The following KCNMB2 variants were observed in gnomAD, a reference collection of about 807,000 sequenced individuals.
KCNMB2 encodes potassium calcium-activated channel subfamily M regulatory beta subunit 2.
A neutral mutation model predicts 24.5 loss-of-function variants in KCNMB2; 9 were observed. That is an observed-to-expected ratio of 0.37 (90% CI 0.22 to 0.64). The LOEUF (loss-of-function observed/expected upper bound fraction) is 0.64. KCNMB2 is among the 30% of genes least tolerant of loss of function. The pLI is 0.63. For synonymous variants in KCNMB2, 109 were observed against 104.4 expected, an observed-to-expected ratio of 1.04 and a Z score of -0.27; for missense variants, 226 against 284.3, an observed-to-expected ratio of 0.79 and a Z score of 1.47.
chr3:178,562,100 G>T (rs889947298), intron 1 of KCNMB2, among the ~76,000 whole-genome samples: 6 of 152,178 alleles, frequency 3.9e-5, no homozygotes, highest in African/African-American at 1.4e-4. Flanking sequence ...TACAGATCTG[G>T]AACCCCCAGT....
chr3:178,649,161 G>A (rs1298681756), intron 1 of KCNMB2, among the ~76,000 whole-genome samples: 1 of 151,914 alleles, frequency 6.6e-6, no homozygotes, highest in East Asian at 1.9e-4. Context: ...TTCATCTTCT[G>A]ATAATTTTTC....
chr3:178,813,983 T>TTGTTGTTGC (rs1171041641), intron 2 of KCNMB2, among the ~76,000 whole-genome samples: 2 of 127,416 alleles, frequency 1.6e-5, no homozygotes, highest in South Asian at 4.6e-4. Flanking sequence ...GTTGTTGTTG[T>TTGTTGTTGC]TGCTGCTGCT....
At chr3:178,636,907 G>A (rs1410468927) in intron 1 of KCNMB2, among the ~76,000 whole-genome samples, 1 of 152,018 alleles carries the variant, frequency 6.6e-6, no homozygotes, top group Non-Finnish European at 1.5e-5. Context: ...ATGTGTCCAC[G>A]TGTTCTCATC....
intron 1 of KCNMB2, among the ~76,000 whole-genome samples, chr3:178,763,796 AGGTTATGTT>A (rs1174623640): frequency 6.6e-6 from 1 of 152,190 alleles, no homozygotes; most frequent in East Asian, 1.9e-4. Flanking sequence ...AGAAAACCAT[AGGTTATGTT>A]ATACTTCTGT....
rs1713872597 is a variant in KCNMB2, at chr3:178,804,079, A to G, written c.-67-3264A>G. ...CAGGTTTCCTCTCCTCACTGCCCACAGCTCTGTTCAGCCACTATACAACGC... is the reference window on the plus strand; with the variant it reads ...CAGGTTTCCTCTCCTCACTGCCCACGGCTCTGTTCAGCCACTATACAACGC... On this transcript the variant is annotated intron_variant, in intron 1 of 4. Coordinates refer to ENST00000452583, the MANE Select transcript of KCNMB2 (RefSeq NM_181361.3). 3.9e-5 allele frequency among the ~76,000 whole-genome samples: 6 copies of G among 152,330 alleles called. No individual in the cohort carries two copies. In the South Asian group the frequency reaches 1.2e-3, roughly 32 times the overall value.
intron 1 of KCNMB2, among the ~76,000 whole-genome samples, chr3:178,680,248 G>A (rs190516178): frequency 6.6e-6 from 1 of 152,248 alleles, no homozygotes; most frequent in Non-Finnish European, 1.5e-5. Flanking sequence ...AATGCAGAAG[G>A]ACTGTGCCTT....
In KCNMB2 at chr3:178,708,022, T is replaced by C. The variant is rs1035493725; in HGVS notation, c.-67-99321T>C. Among the ~76,000 whole-genome samples, 76 of 152,192 alleles carry C rather than the reference T, an allele frequency of 5.0e-4. 1 individual carries two copies. Among genetic ancestry groups the C allele is most frequent in the African/African-American group, 1.8e-3 (75 of 41,444 alleles). ...GACAGAGCCCTAAATCACTTCCAGT[T>C]TGGAGCTGACTGATTCATGAATTGC... On this transcript the variant is annotated intron_variant, in intron 1 of 4. Coordinates refer to ENST00000452583, the MANE Select transcript of KCNMB2 (RefSeq NM_181361.3).
chr3:178,747,265 T>A (rs1723702173), intron 1 of KCNMB2, among the ~76,000 whole-genome samples: 1 of 152,200 alleles, frequency 6.6e-6, no homozygotes, highest in Non-Finnish European at 1.5e-5. Context: ...GGAACTCCTC[T>A]TTATAAAACC....
intron 1 of KCNMB2, among the ~76,000 whole-genome samples, chr3:178,753,831 A>G (rs1723929943): frequency 6.6e-6 from 1 of 152,104 alleles, no homozygotes; most frequent in Admixed American, 6.6e-5. Flanking sequence ...GCAGTTTTCA[A>G]GAATACAATA....
chr3:178,789,181 C>T (rs1713226154), intron 1 of KCNMB2, among the ~76,000 whole-genome samples: 1 of 152,190 alleles, frequency 6.6e-6, no homozygotes, highest in South Asian at 2.1e-4. Context: ...CATTATTTAA[C>T]CTGAGCTGCT....
At chr3:178,723,629 C>A (rs1259881724) in intron 1 of KCNMB2, among the ~76,000 whole-genome samples, 1 of 152,160 alleles carries the variant, frequency 6.6e-6, no homozygotes, top group Non-Finnish European at 1.5e-5. Context: ...TTTTCAACCT[C>A]TGCTCCTCTC....
chr3:178,753,501 G>T (rs903771913), intron 1 of KCNMB2, among the ~76,000 whole-genome samples: 2 of 152,116 alleles, frequency 1.3e-5, no homozygotes, highest in African/African-American at 4.8e-5. Flanking sequence ...AAATGCCTGG[G>T]ACTCTTAAGT....
At chr3:178,702,293 GA>G (rs1722128478) in intron 1 of KCNMB2, among the ~76,000 whole-genome samples, 1 of 92,860 alleles carries the variant, frequency 1.1e-5, no homozygotes, top group South Asian at 4.7e-4. Context: ...GGGGTGGGGG[GA>G]GGGGGGAGGG....
chr3:178,757,140 G>T, intron 1 of KCNMB2: 1 of 142,960 alleles, frequency 7.0e-6, no homozygotes, highest in Admixed American at 7.2e-5. Context: ...TTTCCTTCTT[G>T]TAAAAGAAAA....
chr3:178,538,802 G>A (rs1238134825), intron 1 of KCNMB2, among the ~76,000 whole-genome samples: 1 of 151,888 alleles, frequency 6.6e-6, no homozygotes, highest in African/African-American at 2.4e-5. Context: ...TAAGCTGTGA[G>A]GAAAGCCAAA....
At chr3:178,664,194 C>T (rs1176302572) in intron 1 of KCNMB2, among the ~76,000 whole-genome samples, 1 of 152,088 alleles carries the variant, frequency 6.6e-6, no homozygotes, top group Non-Finnish European at 1.5e-5. Flanking sequence ...GCAGCTAGCC[C>T]TGTAAATTGT....
chr3:178,695,774 T>C (rs1426243959), intron 1 of KCNMB2, among the ~76,000 whole-genome samples: 3 of 152,156 alleles, frequency 2.0e-5, no homozygotes, highest in Non-Finnish European at 4.4e-5. Context: ...CTTTCCCACA[T>C]CTTCCTGTCT....
chr3:178,828,179 G>A lies in KCNMB2; in HGVS notation c.229G>A (p.Val77Met), dbSNP rs376796126. The A allele has an allele frequency of 3.9e-5, 63 of 1,611,838 alleles. No individual in the cohort carries two copies. The highest frequency in any genetic ancestry group is 5.3e-5 in the African/African-American group (4 of 74,818). Reference protein sequence around the residue: ...ITLLRSYMQSVWTEESQCTLL... With the variant: ...ITLLRSYMQSMWTEESQCTLL... ...TTACTCTCACCCCTTTCTCTGCAGCGTGTGGACCGAAGAGTCTCAATGCAC... is the reference window on the plus strand; with the variant it reads ...TTACTCTCACCCCTTTCTCTGCAGCATGTGGACCGAAGAGTCTCAATGCAC... Residue 77 changes from valine (V) to methionine (M), a missense_variant and splice_region_variant, in exon 4 of 5, where the codon GTG (valine) becomes ATG (methionine). By Grantham distance (21) the Val-to-Met change is conservative (BLOSUM62 1). Transcript: ENST00000452583.
chr3:178,665,218 G>A (rs186260506), intron 1 of KCNMB2, among the ~76,000 whole-genome samples: 1 of 152,228 alleles, frequency 6.6e-6, no homozygotes, highest in African/African-American at 2.4e-5. Flanking sequence ...ATTTCTCATA[G>A]ACAGGATTCA....
Sources: gnomAD v4.1 joint callset for allele counts (sites outside exome capture counted in the v4.1 genomes callset) on GRCh38, gnomAD v4.1.1 for gene constraint, MANE v1.5 for transcripts, NCBI Gene and HGNC (gene_info 2026-07-23, HGNC 2026-07-21) for gene names.